STPG2: variants seen among roughly 807,000 people sequenced by gnomAD.
STPG2 encodes sperm tail PG-rich repeat containing 2, also known as sperm-tail PG-rich repeat-containing protein 2.
STPG2 carries 56 observed loss-of-function variants against 54.2 expected under a neutral mutation model. The observed-to-expected ratio is 1.03, with a 90% CI of 0.83 to 1.29. The LOEUF (loss-of-function observed/expected upper bound fraction) is 1.29, where lower values mean the gene tolerates loss of function less well. STPG2 is among the 50% of genes most tolerant of loss of function. The probability of loss-of-function intolerance (pLI) is 0.00; values close to 1 mark genes in which losing one functional copy is unlikely to be tolerated. For synonymous variants in STPG2, 200 were observed against 181.8 expected, an observed-to-expected ratio of 1.10 and a Z score of -0.81; for missense variants, 596 against 544.9, an observed-to-expected ratio of 1.09 and a Z score of -0.93.
intron 4 of STPG2, among the ~76,000 whole-genome samples, chr4:97,542,219 A>G (rs1293627502): frequency 6.6e-6 from 1 of 152,256 alleles, no homozygotes; most frequent in Non-Finnish European, 1.5e-5. Flanking sequence ...CAATCTACTC[A>G]TCTGACAAAG....
intron 9 of STPG2, among the ~76,000 whole-genome samples, chr4:97,731,323 GT>G (rs1411429499): frequency 6.6e-6 from 1 of 152,152 alleles, no homozygotes; most frequent in African/African-American, 2.4e-5. Flanking sequence ...GGTTTCACAG[GT>G]GATGTGTCCT....
At chr4:98,008,222 C>G (rs573212174) in intron 5 of STPG2, among the ~76,000 whole-genome samples, 1 of 152,012 alleles carries the variant, frequency 6.6e-6, no homozygotes, top group South Asian at 2.1e-4. Flanking sequence ...TGAAGGAAAG[C>G]CCATCAAACT....
chr4:97,517,530 C>T (rs773491073), intron 4 of STPG2, among the ~76,000 whole-genome samples: 11 of 152,036 alleles, frequency 7.2e-5, no homozygotes, highest in Non-Finnish European at 1.0e-4. Flanking sequence ...AATACCAGTA[C>T]GTTTTTATCT....
intron 10 of STPG2, among the ~76,000 whole-genome samples, chr4:97,570,484 C>A (rs183342124): frequency 8.6e-4 from 130 of 152,022 alleles, no homozygotes; most frequent in Non-Finnish European, 2.9e-4. Context: ...TAAAAGCAGG[C>A]CAAAGATAAA....
intron 8 of STPG2, among the ~76,000 whole-genome samples, chr4:97,933,683 G>A (rs1732636192): frequency 6.6e-6 from 1 of 152,032 alleles, no homozygotes; most frequent in Non-Finnish European, 1.5e-5. Flanking sequence ...TAGATATGTG[G>A]TATTATTCTG....
chr4:97,829,968 T>G (rs758897436), intron 9 of STPG2, among the ~76,000 whole-genome samples: 26 of 152,038 alleles, frequency 1.7e-4, no homozygotes, highest in Non-Finnish European at 3.5e-4. Flanking sequence ...TTATCCAGGA[T>G]AACTTCCCCA....
chr4:98,036,298 A>G (rs1736776843), intron 5 of STPG2, among the ~76,000 whole-genome samples: 1 of 152,052 alleles, frequency 6.6e-6, no homozygotes, highest in Admixed American at 6.6e-5. Flanking sequence ...CAGCAATCCC[A>G]TTACTGGGTA....
Position 97,865,087 on chromosome 4 carries a change from C to T in STPG2, c.1045-24155G>A, listed in dbSNP as rs1729716843. ...CAATGGCAACAAAAGCCAAAATTGACAAATGGGATCTCATTAAACTAAAGA... is the reference window on the plus strand; with the variant it reads ...CAATGGCAACAAAAGCCAAAATTGATAAATGGGATCTCATTAAACTAAAGA... On this transcript the variant is annotated intron_variant, in intron 8 of 10. Transcript: ENST00000295268. 2.0e-5 allele frequency among the ~76,000 whole-genome samples: 3 copies of T among 152,110 alleles called. No homozygotes were observed. The South Asian group carries it at 6.2e-4, about 31-fold the overall frequency.
chr4:98,015,398 G>A (rs1334192497), intron 5 of STPG2, among the ~76,000 whole-genome samples: 1 of 152,124 alleles, frequency 6.6e-6, no homozygotes, highest in Non-Finnish European at 1.5e-5. Context: ...GTGGGCAAAT[G>A]ATATGAATAG....
intron 9 of STPG2, among the ~76,000 whole-genome samples, chr4:97,759,410 G>A (rs112696113): frequency 0.018 from 2,778 of 152,014 alleles, 76 homozygotes; most frequent in African/African-American, 0.064. Context: ...GAGAACTGAA[G>A]GAAAAGAGAG....
chr4:97,729,623 G>T (rs930796000), intron 9 of STPG2, among the ~76,000 whole-genome samples: 2 of 152,104 alleles, frequency 1.3e-5, no homozygotes, highest in African/African-American at 2.4e-5. Flanking sequence ...ACTGTACAAG[G>T]TGAGTAAAGG....
intron 4 of STPG2, among the ~76,000 whole-genome samples, chr4:97,530,262 G>C (rs1437412147): frequency 6.6e-6 from 1 of 152,108 alleles, no homozygotes; most frequent in Non-Finnish European, 1.5e-5. Flanking sequence ...GATAGTTTCA[G>C]AAATAAGTGA....
rs1206661173 is a variant in STPG2 at position 97,970,298 on chromosome 4, G to GA, written c.933+1981dup. On this transcript the variant is annotated intron_variant, in intron 7 of 10. Transcript: ENST00000295268. ...AACAATGACTTTCTTCACAGAATTG[G>GA]AAAAAAACTATTTTAAAGCTCATAT... Among the ~76,000 whole-genome samples, 8 of 152,146 alleles carry GA rather than the reference G, an allele frequency of 5.3e-5. No individual in the cohort carries two copies. The East Asian group carries it at 5.8e-4, about 11-fold the overall frequency.
intron 9 of STPG2, among the ~76,000 whole-genome samples, chr4:97,812,840 T>C (rs923596976): frequency 2.6e-5 from 4 of 152,196 alleles, no homozygotes; most frequent in African/African-American, 9.6e-5. Flanking sequence ...TATTTATATG[T>C]TCAAATAACT....
chr4:97,757,713 G>T (rs556612152), intron 9 of STPG2, among the ~76,000 whole-genome samples: 1 of 151,860 alleles, frequency 6.6e-6, no homozygotes, highest in Admixed American at 6.6e-5. Context: ...CATTATTAAC[G>T]GTCAGTAAGT....
chr4:97,977,036 G>C (rs1260623883), intron 6 of STPG2, among the ~76,000 whole-genome samples: 1 of 152,112 alleles, frequency 6.6e-6, no homozygotes, highest in Non-Finnish European at 1.5e-5. Context: ...TCACATGACA[G>C]GCAGCTGTAA....
intron 9 of STPG2, among the ~76,000 whole-genome samples, chr4:97,828,470 C>A: frequency 6.6e-6 from 1 of 152,104 alleles, no homozygotes; most frequent in East Asian, 1.9e-4. Context: ...GCTGGTTGGG[C>A]AGACACCAAG....
At chr4:97,474,201 C>T (rs970738573) in intron 4 of STPG2, among the ~76,000 whole-genome samples, 3 of 151,650 alleles carry the variant, frequency 2.0e-5, no homozygotes, top group Non-Finnish European at 4.4e-5. Context: ...TATGGGAACT[C>T]TCCATACATT....
At chr4:97,511,495 T>C (rs1246010482) in intron 4 of STPG2, among the ~76,000 whole-genome samples, 3 of 151,872 alleles carry the variant, frequency 2.0e-5, no homozygotes, top group South Asian at 2.1e-4. Flanking sequence ...GAAATCCATA[T>C]ATTTGCAGTC....
Sources: allele counts gnomAD v4.1 joint callset (sites outside exome capture counted in the v4.1 genomes callset), GRCh38; gene constraint gnomAD v4.1.1; transcripts MANE v1.5; gene names NCBI Gene and HGNC (gene_info 2026-07-23, HGNC 2026-07-21).